Variants in MCPH1 observed in about 807,000 individuals in gnomAD.
The protein encoded by MCPH1 is microcephalin.
MCPH1 carries 104 observed loss-of-function variants against 84.5 expected under a neutral mutation model. The observed-to-expected ratio is 1.23, with a 90% CI of 1.05 to 1.45. The LOEUF (loss-of-function observed/expected upper bound fraction) is 1.45, where lower values mean the gene tolerates loss of function less well. Among genes scored for constraint, MCPH1 ranks in the 40% most tolerant of loss-of-function variants. MCPH1 has a pLI of 0.00. For synonymous variants in MCPH1, 514 were observed against 366.8 expected (o/e 1.40, Z -4.58); for missense variants, 1,498 against 1,005.7 (o/e 1.49, Z -6.62).
chr8:6,633,869 A>G (rs183189108), intron 13 of MCPH1, among the ~76,000 whole-genome samples: 4 of 152,286 alleles, frequency 2.6e-5, no homozygotes, highest in Non-Finnish European at 5.9e-5. Flanking sequence ...AGATCCCCCT[A>G]TGTGTAACAG....
chr8:6,519,528 A>G (rs1344448580), intron 12 of MCPH1, among the ~76,000 whole-genome samples: 1 of 152,234 alleles, frequency 6.6e-6, no homozygotes, highest in Non-Finnish European at 1.5e-5. Flanking sequence ...CAGTTTTTGG[A>G]AGATACTTTC....
chr8:6,442,887 G>A (rs563906545), intron 7 of MCPH1, among the ~76,000 whole-genome samples: 13 of 152,188 alleles, frequency 8.5e-5, no homozygotes, highest in Non-Finnish European at 1.3e-4. Flanking sequence ...TTCAAACAAA[G>A]CCTCCTTTCA....
chr8:6,603,072 A>G (rs186049328), intron 12 of MCPH1, among the ~76,000 whole-genome samples: 38 of 151,834 alleles, frequency 2.5e-4, no homozygotes, highest in Middle Eastern at 6.8e-3. Context: ...TCTCCCCCAA[A>G]CACTAGTTTT....
At chr8:6,601,064 C>G (rs528312600) in intron 12 of MCPH1, among the ~76,000 whole-genome samples, 1 of 152,272 alleles carries the variant, frequency 6.6e-6, no homozygotes, top group South Asian at 2.1e-4. Flanking sequence ...TGGGGGCTGG[C>G]TTTGTGGCCC....
intron 12 of MCPH1, among the ~76,000 whole-genome samples, chr8:6,592,883 TCTCAAACTCCTGAG>T (rs1828621076): frequency 1.3e-5 from 2 of 149,674 alleles, no homozygotes; most frequent in South Asian, 4.3e-4. Context: ...CTCAGGCTGG[TCTCAAACTCCTGAG>T]CTCAAGTGAT....
intron 12 of MCPH1, chr8:6,501,887 A>AT (rs1299426363): frequency 6.6e-6 from 1 of 151,276 alleles, no homozygotes; most frequent in Non-Finnish European, 1.5e-5. Flanking sequence ...AAATATTTAA[A>AT]TATATTATGA....
intron 13 of MCPH1, chr8:6,622,064 G>A (rs764178189): frequency 1.4e-5 from 5 of 361,572 alleles, no homozygotes; most frequent in Non-Finnish European, 2.8e-5. Context: ...GGAGTCCCTG[G>A]CAGCGCCCGG....
chr8:6,453,379 AT>A (rs1377304978), intron 8 of MCPH1, among the ~76,000 whole-genome samples: 115 of 145,852 alleles, frequency 7.9e-4, no homozygotes, highest in Admixed American at 5.1e-4. Flanking sequence ...TTGTGAAAAC[AT>A]GTTAACAATA....
chr8:6,612,739 C>G (rs902219221), intron 12 of MCPH1, among the ~76,000 whole-genome samples: 6 of 152,370 alleles, frequency 3.9e-5, no homozygotes, highest in African/African-American at 1.4e-4. Flanking sequence ...TCTGCACTTT[C>G]CATGTCCTGC....
intron 8 of MCPH1, among the ~76,000 whole-genome samples, chr8:6,452,599 G>C (rs1295453707): frequency 6.6e-6 from 1 of 152,212 alleles, no homozygotes; most frequent in Non-Finnish European, 1.5e-5. Flanking sequence ...TTTGGATAGG[G>C]TGATCTTTGG....
chr8:6,490,445 A>G (rs1004190789), intron 11 of MCPH1, among the ~76,000 whole-genome samples: 1 of 152,206 alleles, frequency 6.6e-6, no homozygotes, highest in African/African-American at 2.4e-5. Context: ...TCTATCCCCA[A>G]GTTAAAATGA....
chr8:6,575,060 C>G (rs2442555), intron 12 of MCPH1, among the ~76,000 whole-genome samples: 102,191 of 152,084 alleles, frequency 0.67, 38,247 homozygotes, highest in Non-Finnish European at 0.82. Flanking sequence ...AAGGGGAGAG[C>G]TAGCAGAGAG....
intron 12 of MCPH1, among the ~76,000 whole-genome samples, chr8:6,517,098 T>C (rs568357418): frequency 7.9e-4 from 121 of 152,320 alleles, no homozygotes; most frequent in African/African-American, 2.8e-3. Context: ...CAAATAGAGT[T>C]ATCTACCCAG....
intron 12 of MCPH1, among the ~76,000 whole-genome samples, chr8:6,552,415 G>A (rs530695475): frequency 4.6e-5 from 7 of 152,284 alleles, no homozygotes; most frequent in East Asian, 1.9e-4. Context: ...ACACACTTAC[G>A]ATGGTCCTTT....
intron 12 of MCPH1, among the ~76,000 whole-genome samples, chr8:6,557,732 G>A (rs1824874035): frequency 6.6e-6 from 1 of 151,702 alleles, no homozygotes; most frequent in Non-Finnish European, 1.5e-5. Context: ...TATACAGGGA[G>A]AGATAGAATG....
intron 6 of MCPH1, among the ~76,000 whole-genome samples, chr8:6,441,456 T>C (rs189249264): frequency 6.6e-6 from 1 of 152,362 alleles, no homozygotes; most frequent in East Asian, 1.9e-4. Flanking sequence ...AAAATATCTT[T>C]GGATATAAGA....
chr8:6,534,665 A>G (rs12676103), intron 12 of MCPH1, among the ~76,000 whole-genome samples: 37,008 of 152,116 alleles, frequency 0.24, 5,575 homozygotes, highest in East Asian at 0.42. Context: ...AAAATAAAAA[A>G]TCAGTCACTG....
chr8:6,472,985 G>C (rs890034826), intron 9 of MCPH1, among the ~76,000 whole-genome samples: 2 of 152,148 alleles, frequency 1.3e-5, no homozygotes, highest in East Asian at 1.9e-4. Context: ...TTTCCTAAGA[G>C]ACACGATTTC....
chr8:6,590,971 G>A (rs906586823), intron 12 of MCPH1, among the ~76,000 whole-genome samples: 3 of 152,186 alleles, frequency 2.0e-5, no homozygotes, highest in African/African-American at 7.2e-5. Flanking sequence ...GCGCAATCTC[G>A]GCTCACTGCA....
Sources: gnomAD v4.1 joint callset for allele counts (sites outside exome capture counted in the v4.1 genomes callset) on GRCh38, gnomAD v4.1.1 for gene constraint, MANE v1.5 for transcripts, NCBI Gene and HGNC (gene_info 2026-07-23, HGNC 2026-07-21) for gene names.